Variants in ANKRD44 observed in about 807,000 individuals in gnomAD.
The protein encoded by ANKRD44 is serine/threonine-protein phosphatase 6 regulatory ankyrin repeat subunit B.
In ANKRD44, 35 loss-of-function variants were observed where a neutral mutation model predicts 116.0. The observed-to-expected ratio is 0.30, with a 90% CI of 0.23 to 0.40. ANKRD44 has a LOEUF of 0.40. Ranked by LOEUF, ANKRD44 falls within the 10% of genes least tolerant of loss-of-function variation. The pLI, the probability that ANKRD44 is intolerant of heterozygous loss-of-function variation, is 1.00. For missense variants in ANKRD44, 1,014 were observed against 1,242.6 expected, an observed-to-expected ratio of 0.82 and a Z score of 2.77; for synonymous variants, 435 against 461.8, an observed-to-expected ratio of 0.94 and a Z score of 0.74.
intron 1 of ANKRD44, among the ~76,000 whole-genome samples, chr2:197,277,762 C>T (rs1330601951): frequency 1.3e-5 from 2 of 152,118 alleles, no homozygotes; most frequent in African/African-American, 4.8e-5. Flanking sequence ...CTATCCAAAG[C>T]TTCACTTCCA....
intron 2 of ANKRD44, among the ~76,000 whole-genome samples, chr2:197,181,770 T>C (rs1359079359): frequency 6.6e-6 from 1 of 152,260 alleles, no homozygotes; most frequent in Non-Finnish European, 1.5e-5. Flanking sequence ...CTCTGTCTAT[T>C]AAGTTAATTC....
intron 16 of ANKRD44, among the ~76,000 whole-genome samples, chr2:197,033,143 T>G (rs1412961867): frequency 6.6e-6 from 1 of 151,250 alleles, no homozygotes; most frequent in Non-Finnish European, 1.5e-5. Flanking sequence ...CCACTGAGAG[T>G]GAATGTCTAA....
Position 196,989,168 on chromosome 2 carries a change from A to T in ANKRD44, c.*423T>A. On this transcript the variant is annotated 3_prime_UTR_variant, in exon 28 of 28. Coordinates refer to ENST00000282272, the MANE Select transcript of ANKRD44 (RefSeq NM_001195144.2). ...TTTTGTTATTCTAAATAAGATACAT[A>T]GCAATTAAAATAGAGAACAAATAAT... The T allele has an allele frequency of 6.1e-6, 6 of 983,416 alleles. No individual in the cohort carries two copies. The highest frequency in any genetic ancestry group is 7.2e-6 in the Non-Finnish European group (6 of 828,298). The allele number at this position is 983,416 out of a possible 1,614,324, so 60.9% of individuals were successfully genotyped here.
intron 16 of ANKRD44, chr2:197,078,422 T>C: frequency 3.1e-6 from 2 of 651,462 alleles, no homozygotes; most frequent in Non-Finnish European, 4.5e-6. Flanking sequence ...GCAATGCTGG[T>C]GTTAGGAGGC....
chr2:196,974,393 A>G (rs1170875556), intron 21 of ANKRD44, among the ~76,000 whole-genome samples: 4 of 152,130 alleles, frequency 2.6e-5, no homozygotes, highest in African/African-American at 7.2e-5. Context: ...AAAACAACAT[A>G]TTCCTTAATG....
At chr2:197,208,027 G>T (rs908844744) in intron 1 of ANKRD44, among the ~76,000 whole-genome samples, 2 of 152,158 alleles carry the variant, frequency 1.3e-5, no homozygotes, top group Non-Finnish European at 2.9e-5. Flanking sequence ...TGGTTTTATC[G>T]TAGTATTACA....
chr2:197,118,620 AGAG>A (rs1559077497), intron 8 of ANKRD44, among the ~76,000 whole-genome samples: 7 of 135,250 alleles, frequency 5.2e-5, no homozygotes, highest in South Asian at 2.4e-4. Flanking sequence ...AAAGAAAGAG[AGAG>A]AGAGAGAGAG....
At chr2:197,262,820 G>A (rs4539809) in intron 1 of ANKRD44, among the ~76,000 whole-genome samples, 2,096 of 152,092 alleles carry the variant, frequency 0.014, 17 homozygotes, top group Non-Finnish European at 0.02. Flanking sequence ...CAGGAGAATC[G>A]CTTTAACCCA....
At chr2:197,033,792 G>A (rs541825025) in intron 16 of ANKRD44, among the ~76,000 whole-genome samples, 44 of 152,016 alleles carry the variant, frequency 2.9e-4, no homozygotes, top group Middle Eastern at 3.4e-3. Flanking sequence ...AATCACTGGA[G>A]ATGTTGACTG....
intron 1 of ANKRD44, among the ~76,000 whole-genome samples, chr2:197,211,526 A>C (rs1172534833): frequency 6.6e-6 from 1 of 152,190 alleles, no homozygotes; most frequent in Non-Finnish European, 1.5e-5. Flanking sequence ...CATTCACATG[A>C]ATTTTACAGT....
chr2:197,117,954 G>C lies in ANKRD44; in HGVS notation c.906+3378C>G, dbSNP rs2078752349. Among the ~76,000 whole-genome samples the C allele has an allele frequency of 2.0e-5, 3 of 152,124 alleles. No individual in the cohort carries two copies. In the South Asian group the frequency reaches 6.2e-4, roughly 31 times the overall value. On this transcript the variant is annotated intron_variant, in intron 8 of 27. Transcript: ENST00000282272. ...CTGCCAGGTGCAGTGGCTCATGCCT[G>C]TAATCCCAGCACTTTGGGAGGCTAA...
intron 3 of ANKRD44, among the ~76,000 whole-genome samples, 194 bp from the exon 4 acceptor site, chr2:197,136,856 T>G (rs1028787059): frequency 2.0e-5 from 3 of 152,258 alleles, no homozygotes; most frequent in African/African-American, 7.2e-5. Context: ...CCTAAAAATC[T>G]GGGACTAGCC....
In ANKRD44 at chr2:197,068,466, A is replaced by G. The variant is rs1361252358; in HGVS notation, c.1650+10237T>C. ...ACAAAAGCCAAAATTGACAAATGGG[A>G]TCTAATTAAACTAAAGAGCTTCTGC... On this transcript the variant is annotated intron_variant, in intron 16 of 27. Transcript: ENST00000282272. 5.9e-5 allele frequency among the ~76,000 whole-genome samples: 9 copies of G among 151,476 alleles called. No individual in the cohort carries two copies. The East Asian group carries it at 1.5e-3, about 26-fold the overall frequency.
chr2:197,303,312 G>T (rs2083969246), intron 1 of ANKRD44, among the ~76,000 whole-genome samples: 1 of 152,216 alleles, frequency 6.6e-6, no homozygotes, highest in African/African-American at 2.4e-5. Context: ...AGAATTTAGA[G>T]AATTTTCTAC....
intron 2 of ANKRD44, among the ~76,000 whole-genome samples, chr2:197,170,483 A>G (rs2080206464): frequency 2.0e-5 from 3 of 152,226 alleles, no homozygotes; most frequent in Admixed American, 6.5e-5. Flanking sequence ...TCTTCCCTAG[A>G]GAAAATCTTT....
intron 16 of ANKRD44, among the ~76,000 whole-genome samples, chr2:197,056,939 A>G (rs1299636730): frequency 1.3e-5 from 2 of 152,202 alleles, no homozygotes; most frequent in Non-Finnish European, 1.5e-5. Flanking sequence ...ACATATTCAC[A>G]GGTTCTAGAG....
At chr2:197,218,393 T>C (rs1393480467) in intron 1 of ANKRD44, among the ~76,000 whole-genome samples, 1 of 152,148 alleles carries the variant, frequency 6.6e-6, no homozygotes, top group Non-Finnish European at 1.5e-5. Flanking sequence ...CCTGCTACCT[T>C]TCTGGATCTT....
intron 1 of ANKRD44, among the ~76,000 whole-genome samples, chr2:197,276,023 C>A (rs547007540): frequency 7.4e-4 from 113 of 152,100 alleles, no homozygotes; most frequent in African/African-American, 2.6e-3. Flanking sequence ...CGCCTGTAAT[C>A]CCAGCACTTT....
intron 2 of ANKRD44, among the ~76,000 whole-genome samples, chr2:197,172,845 C>T (rs1202503873): frequency 1.3e-5 from 2 of 152,068 alleles, no homozygotes; most frequent in African/African-American, 4.8e-5. Context: ...GGATTACAGG[C>T]TTGAGCCACC....
Sources: allele counts gnomAD v4.1 joint callset (sites outside exome capture counted in the v4.1 genomes callset), GRCh38; gene constraint gnomAD v4.1.1; transcripts MANE v1.5; gene names NCBI Gene and HGNC (gene_info 2026-07-23, HGNC 2026-07-21).